Variants in PSMD5 observed in about 807,000 individuals in gnomAD.
PSMD5 encodes 26S proteasome non-ATPase regulatory subunit 5.
A neutral mutation model predicts 52.1 loss-of-function variants in PSMD5; 40 were observed. The observed-to-expected ratio is 0.77, with a 90% CI of 0.60 to 1.00. PSMD5 has a LOEUF of 1.00. Ranked by LOEUF, PSMD5 falls within the 50% of genes least tolerant of loss-of-function variation. The pLI, the probability that PSMD5 is intolerant of heterozygous loss-of-function variation, is 0.00. For missense variants in PSMD5, 575 were observed against 605.2 expected (o/e 0.95, Z 0.52); for synonymous variants, 211 against 226.6 (o/e 0.93, Z 0.62).
Position 120,824,631 on chromosome 9 carries a change from C to A in PSMD5, c.869G>T (p.Cys290Phe). 2 of 1,614,164 alleles carry A rather than the reference C, an allele frequency of 1.2e-6. No individual in the cohort carries two copies. Among genetic ancestry groups the A allele is most frequent in the South Asian group, 2.2e-5 (2 of 91,072 alleles). The change falls in exon 7 of 10, where the codon TGT (cysteine) becomes TTT (phenylalanine). Residue 290 changes from cysteine (C) to phenylalanine (F), a missense_variant. Coordinates refer to ENST00000210313, the MANE Select transcript of PSMD5 (RefSeq NM_005047.4). ...LAVMDSPQQI[C>F]ERYPIFVEKV... ...TTCCACAAAGATAGGATAACGCTCA[C>A]AGATCTGTTGAGGACTATCCATGAC...
intron 7 of PSMD5, chr9:120,824,208 A>G: frequency 2.3e-6 from 1 of 428,606 alleles, no homozygotes; most frequent in Non-Finnish European, 4.3e-6. Context: ...AAATCTAGTC[A>G]AAGAAGACAT....
At chr9:120,840,910 G>A (rs1362199766) in intron 1 of PSMD5, among the ~76,000 whole-genome samples, 1 of 149,660 alleles carries the variant, frequency 6.7e-6, no homozygotes, top group African/African-American at 2.5e-5. Context: ...GAGCCACCGT[G>A]CCTGGCCTAA....
At position 120,817,699 on chromosome 9, in the gene PSMD5, C is replaced by T; in HGVS notation, c.*207G>A. 1 of 568,122 alleles carries T rather than the reference C, an allele frequency of 1.8e-6. No individual in the cohort carries two copies. Among genetic ancestry groups the T allele is most frequent in the Non-Finnish European group, 3.0e-6 (1 of 329,290 alleles). 35.2% of individuals were successfully genotyped at this position (568,122 alleles called of 1,614,324 possible). A position where few individuals can be genotyped will look rare whatever the true frequency, so the allele number is the denominator to read the frequency against. The stretch of plus-strand genomic sequence containing the variant: ...AAACACTGGATCTATTATGACCAAG[C>T]TTGTCTGCTCTTAATGCATTCCAAA... On this transcript the variant is annotated 3_prime_UTR_variant, in exon 10 of 10. Coordinates refer to ENST00000210313, the MANE Select transcript of PSMD5 (RefSeq NM_005047.4).
At position 120,833,380 on chromosome 9, in the gene PSMD5, G is replaced by A; in HGVS notation, c.250C>T (p.Leu84Phe). The change falls in exon 2 of 10, where the codon CTC (leucine) becomes TTC (phenylalanine). Residue 84 changes from leucine to phenylalanine, a missense_variant. Leu to Phe is a conservative substitution (Grantham distance 22). Coordinates refer to ENST00000210313, the MANE Select transcript of PSMD5 (RefSeq NM_005047.4). ...AMEPVHVARN[L>F]RVDLQRGLIH... ...AGTCCCCTCTGCAGGTCAACCCTGA[G>A]GTTCCGGGCCACGTGAACCGGTTCC... 1 of 1,614,074 alleles carries A rather than the reference G, an allele frequency of 6.2e-7. No individual in the cohort carries two copies.
intron 1 of PSMD5, 89 bp from the exon 2 acceptor site, chr9:120,833,545 C>G: frequency 7.5e-7 from 1 of 1,329,460 alleles, no homozygotes; most frequent in Non-Finnish European, 1.0e-6. Context: ...GCGTCAGCGT[C>G]TCCTCCACAC....
intron 7 of PSMD5, 103 bp from the exon 8 acceptor site, chr9:120,821,567 G>A (rs753591603): frequency 3.3e-5 from 23 of 703,352 alleles, no homozygotes; most frequent in South Asian, 6.4e-5. Context: ...GTGCTATTAA[G>A]TACATTCACA....
chr9:120,837,746 T>C (rs2045208111), intron 1 of PSMD5, among the ~76,000 whole-genome samples: 1 of 152,248 alleles, frequency 6.6e-6, no homozygotes, highest in Non-Finnish European at 1.5e-5. Flanking sequence ...ATTTCATTCC[T>C]AGCTATTTAC....
chr9:120,838,569 G>T (rs1183477182), intron 1 of PSMD5, among the ~76,000 whole-genome samples: 1 of 152,180 alleles, frequency 6.6e-6, no homozygotes, highest in Non-Finnish European at 1.5e-5. Context: ...ACTATCCAGA[G>T]AATTATTCCC....
Position 120,817,645 on chromosome 9 carries a change from A to G in PSMD5, c.*261T>C, listed in dbSNP as rs541395590. The G allele has an allele frequency of 1.0e-5, 4 of 386,160 alleles. No individual in the cohort carries two copies. The highest frequency in any genetic ancestry group is 1.8e-5 in the Non-Finnish European group (4 of 216,608). The allele number at this position is 386,160 out of a possible 1,614,324, so 23.9% of individuals were successfully genotyped here. On this transcript the variant is annotated 3_prime_UTR_variant, in exon 10 of 10. Transcript: ENST00000210313. Reference sequence around the variant, plus strand: ...AAGAAAAAAACTTCCACCCTGTTGCAAAGATTAAGGCAGTGAAAGGAATCT... The same window carrying G: ...AAGAAAAAAACTTCCACCCTGTTGCGAAGATTAAGGCAGTGAAAGGAATCT...
chr9:120,841,372 G>C (rs990788141), intron 1 of PSMD5, among the ~76,000 whole-genome samples: 3 of 152,066 alleles, frequency 2.0e-5, no homozygotes, highest in African/African-American at 7.2e-5. Context: ...GAGGTCCGTA[G>C]ATCGAGACCA....
chr9:120,830,080 T>C (rs763434964), intron 4 of PSMD5, among the ~76,000 whole-genome samples: 5 of 152,116 alleles, frequency 3.3e-5, no homozygotes, highest in Non-Finnish European at 5.9e-5. Flanking sequence ...TCTAGGGTGG[T>C]AGAAGCTGTA....
At chr9:120,829,064 G>T in intron 5 of PSMD5, 35 bp downstream of exon 5, 1 of 1,521,536 alleles carries the variant, frequency 6.6e-7, no homozygotes, top group South Asian at 1.3e-5. Context: ...CCCTTCAAAA[G>T]AGGATATTTC....
rs1356431409 is a variant in PSMD5 at position 120,831,952 on chromosome 9, GA to G, written c.319-8del. The G allele has an allele frequency of 1.2e-6, 2 of 1,610,360 alleles. No individual in the cohort carries two copies. Among genetic ancestry groups the G allele is most frequent in the African/African-American group, 2.7e-5 (2 of 74,884 alleles). On this transcript the variant is annotated splice_polypyrimidine_tract_variant and splice_region_variant and intron_variant, in intron 2 of 9. Coordinates refer to ENST00000210313, the MANE Select transcript of PSMD5 (RefSeq NM_005047.4). Reference sequence around the variant, plus strand: ...TTTCAACAATTCTTCCAATCTGAAAGAAAAACAATCAGAAACACTCTTCTAA... The same window carrying G: ...TTTCAACAATTCTTCCAATCTGAAAGAAAACAATCAGAAACACTCTTCTAA...
In PSMD5 at chr9:120,826,850, A is replaced by G. The variant is rs893005683; in HGVS notation, c.729T>C (p.Tyr243=). The change falls in exon 6 of 10, where the codon TAT becomes TAC. Residue 243 remains tyrosine (Y), a synonymous_variant. Transcript: ENST00000210313. ...GGTCAATTACTCCTTCTTGAGCAAG[A>G]TATTGTCGCCCATGATGAGTATATG... The part of the protein sequence containing the change: ...SLAYTHHGRQ[Y]LAQEGVIDQI... 5.0e-6 allele frequency: 8 copies of G among 1,613,474 alleles called. No homozygotes were observed. The Admixed American group carries it at 1.2e-4, about 24-fold the overall frequency.
chr9:120,831,974 T>C, intron 2 of PSMD5, 29 bp from the exon 3 acceptor site: 1 of 1,605,926 alleles, frequency 6.2e-7, no homozygotes, highest in Non-Finnish European at 8.5e-7. Context: ...GAAACACTCT[T>C]CTAAAGTAGG....
At chr9:120,836,569 G>C (rs1430278465) in intron 1 of PSMD5, among the ~76,000 whole-genome samples, 2 of 151,448 alleles carry the variant, frequency 1.3e-5, no homozygotes, top group Non-Finnish European at 2.9e-5. Context: ...GCTAATTTTT[G>C]TATTTTTAGT....
chr9:120,826,168 G>A (rs773017767), intron 6 of PSMD5, among the ~76,000 whole-genome samples: 10 of 151,914 alleles, frequency 6.6e-5, no homozygotes, highest in Non-Finnish European at 1.2e-4. Flanking sequence ...CTAATTTTTT[G>A]TATTTTTAGT....
chr9:120,826,713 A>G (rs1395485263), intron 6 of PSMD5, 52 bp downstream of exon 6: 1 of 1,568,106 alleles, frequency 6.4e-7, no homozygotes, highest in African/African-American at 1.4e-5. Context: ...GTCAGAGATA[A>G]CTCAGAAATA....
intron 6 of PSMD5, 177 bp from the exon 7 acceptor site, chr9:120,824,862 T>A (rs2131423956): frequency 1.9e-6 from 1 of 526,236 alleles, no homozygotes; most frequent in East Asian, 3.0e-5. Flanking sequence ...ACCTGTGATG[T>A]GTGATCCTGA....
Sources: allele counts gnomAD v4.1 joint callset (sites outside exome capture counted in the v4.1 genomes callset), GRCh38; gene constraint gnomAD v4.1.1; transcripts MANE v1.5; gene names NCBI Gene and HGNC (gene_info 2026-07-23, HGNC 2026-07-21).